The following PDE4D variants were observed in gnomAD, a reference collection of about 807,000 sequenced individuals.
The protein encoded by PDE4D is phosphodiesterase 4D.
PDE4D carries 24 observed loss-of-function variants against 87.4 expected under a neutral mutation model. That is an observed-to-expected ratio of 0.27 (90% confidence interval 0.20 to 0.39). The LOEUF (loss-of-function observed/expected upper bound fraction) is 0.39, where lower values mean the gene tolerates loss of function less well. PDE4D is among the 10% of genes least tolerant of loss of function. The pLI is 1.00. For missense variants in PDE4D, 714 were observed against 1,041.0 expected (o/e 0.69, Z 4.32); for synonymous variants, 384 against 383.2 (o/e 1.00, Z -0.02).
chr5:59,027,691 G>A (rs1756497620), intron 6 of PDE4D, among the ~76,000 whole-genome samples: 1 of 152,054 alleles, frequency 6.6e-6, no homozygotes, highest in South Asian at 2.1e-4. Flanking sequence ...CACGGGTGTA[G>A]GGTTCCATTT....
At chr5:59,666,612 G>T (rs1268094609) in intron 1 of PDE4D, among the ~76,000 whole-genome samples, 2 of 152,194 alleles carry the variant, frequency 1.3e-5, no homozygotes, top group East Asian at 1.9e-4. Flanking sequence ...GGATGCTGTT[G>T]CTGTGCACTT....
At chr5:59,936,637 G>A (rs1756613341) in intron 3 of PDE4D, among the ~76,000 whole-genome samples, 3 of 152,150 alleles carry the variant, frequency 2.0e-5, no homozygotes, top group Non-Finnish European at 4.4e-5. Flanking sequence ...CCATAGCTGT[G>A]AGAAAAATCT....
chr5:59,794,034 GAC>G (rs1227147981), intron 1 of PDE4D, among the ~76,000 whole-genome samples: 3 of 151,622 alleles, frequency 2.0e-5, no homozygotes, highest in African/African-American at 7.3e-5. Context: ...CACATGCACA[GAC>G]ACACATGCAC....
chr5:59,654,771 C>A (rs1259814913), intron 1 of PDE4D, among the ~76,000 whole-genome samples: 1 of 152,092 alleles, frequency 6.6e-6, no homozygotes, highest in Non-Finnish European at 1.5e-5. Flanking sequence ...ATCATTAATC[C>A]ACTATAGACT....
Position 59,314,187 on chromosome 5 carries a change from T to A in PDE4D, c.456-98219A>T, listed in dbSNP as rs375713411. On this transcript the variant is annotated intron_variant, in intron 1 of 14. Coordinates refer to ENST00000340635, the MANE Select transcript of PDE4D (RefSeq NM_001104631.2). The stretch of plus-strand genomic sequence containing the variant: ...TATTTTTATATGGACCTAAACAAAA[T>A]AAACTGCCCTGTGAGGGAAGTTCTA... 6 of 152,152 alleles carry A rather than the reference T, an allele frequency of 3.9e-5. No individual in the cohort carries two copies. In the South Asian group the frequency reaches 6.2e-4, roughly 16 times the overall value. The allele number at this position is 152,152 out of a possible 1,614,324, so 9.4% of individuals were successfully genotyped here.
chr5:59,946,820 C>A (rs1317234487), intron 3 of PDE4D, among the ~76,000 whole-genome samples: 2 of 152,192 alleles, frequency 1.3e-5, no homozygotes, highest in African/African-American at 2.4e-5. Flanking sequence ...TGATACCCAT[C>A]CTGAAGGGCC....
At chr5:60,387,935 A>G (rs1301223687) in intron 1 of PDE4D, among the ~76,000 whole-genome samples, 2 of 152,168 alleles carry the variant, frequency 1.3e-5, no homozygotes, top group South Asian at 2.1e-4. Flanking sequence ...TTGACCAACC[A>G]ACTTCAAGTT....
intron 1 of PDE4D, among the ~76,000 whole-genome samples, chr5:59,285,086 T>G (rs1766639149): frequency 9.1e-6 from 1 of 110,342 alleles, no homozygotes; most frequent in African/African-American, 3.4e-5. Context: ...GGGGGAGGGA[T>G]AGCATTGGGA....
At chr5:59,165,430 T>C (rs1781782971) in intron 5 of PDE4D, among the ~76,000 whole-genome samples, 1 of 151,950 alleles carries the variant, frequency 6.6e-6, no homozygotes, top group Non-Finnish European at 1.5e-5. Context: ...TGCAACACCA[T>C]GTCTGGCTAA....
At chr5:59,238,656 G>T (rs555884013) in intron 1 of PDE4D, among the ~76,000 whole-genome samples, 1 of 152,148 alleles carries the variant, frequency 6.6e-6, no homozygotes, top group East Asian at 1.9e-4. Flanking sequence ...TTTTAGAAAT[G>T]GTTCCTCTGA....
chr5:60,156,199 AG>A (rs1781962636), intron 2 of PDE4D, among the ~76,000 whole-genome samples: 1 of 152,214 alleles, frequency 6.6e-6, no homozygotes, highest in South Asian at 2.1e-4. Flanking sequence ...CTGCCTTCTA[AG>A]CCCAGGTAGC....
At chr5:60,238,529 A>G (rs78254420) in intron 1 of PDE4D, among the ~76,000 whole-genome samples, 1,596 of 152,112 alleles carry the variant, frequency 0.01, 30 homozygotes, top group African/African-American at 0.036. Flanking sequence ...CTTATTTGGC[A>G]CTTTCACACT....
At chr5:60,030,331 T>A (rs1424957295) in intron 2 of PDE4D, among the ~76,000 whole-genome samples, 1 of 152,058 alleles carries the variant, frequency 6.6e-6, no homozygotes, top group Admixed American at 6.5e-5. Flanking sequence ...GCACCTGTAG[T>A]CCCAGCTACT....
intron 1 of PDE4D, among the ~76,000 whole-genome samples, chr5:60,342,453 C>G (rs1287993979): frequency 6.6e-6 from 1 of 152,072 alleles, no homozygotes; most frequent in African/African-American, 2.4e-5. Flanking sequence ...AAGCACCTGT[C>G]TCATAGGGTT....
At chr5:60,094,220 T>A (rs1775433741) in intron 2 of PDE4D, among the ~76,000 whole-genome samples, 1 of 152,182 alleles carries the variant, frequency 6.6e-6, no homozygotes, top group Admixed American at 6.5e-5. Context: ...TGAGAAATGA[T>A]CTGTCAGTGG....
At chr5:59,446,964 C>T (rs951130080) in intron 1 of PDE4D, among the ~76,000 whole-genome samples, 1 of 152,174 alleles carries the variant, frequency 6.6e-6, no homozygotes, top group African/African-American at 2.4e-5. Flanking sequence ...ATCGCTTTCA[C>T]ATTCCTTTAG....
At chr5:59,156,355 G>A (rs1220066239) in intron 5 of PDE4D, among the ~76,000 whole-genome samples, 20 of 139,464 alleles carry the variant, frequency 1.4e-4, no homozygotes, top group African/African-American at 1.8e-4. Flanking sequence ...GTGTGTGTGT[G>A]TGTGTGTGTG....
intron 1 of PDE4D, among the ~76,000 whole-genome samples, chr5:59,376,540 C>CA (rs752381666): frequency 6.6e-5 from 10 of 151,808 alleles, no homozygotes; most frequent in Non-Finnish European, 1.0e-4. Context: ...AGAGACGACA[C>CA]AAAAAAATAG....
rs182441996 is a variant in PDE4D at position 60,302,810 on chromosome 5, T to A, written c.-89-117123A>T. On this transcript the variant is annotated intron_variant, in intron 1 of 16. Transcript: ENST00000502484. ...TTTTTGATGTGGGAATTTAGTGCTA[T>A]AAATTTTGGTTTTTTGTTTTGTTTT... Among the ~76,000 whole-genome samples the A allele has an allele frequency of 2.6e-5, 4 of 151,582 alleles. No individual in the cohort carries two copies. In the East Asian group the frequency reaches 7.7e-4, roughly 29 times the overall value.
Sources: allele counts gnomAD v4.1 joint callset (sites outside exome capture counted in the v4.1 genomes callset), GRCh38; gene constraint gnomAD v4.1.1; transcripts MANE v1.5; gene names NCBI Gene and HGNC (gene_info 2026-07-23, HGNC 2026-07-21).